Variants in CCT5 observed in about 807,000 individuals in gnomAD.
The protein encoded by CCT5 is chaperonin containing TCP1 subunit 5, also known as T-complex protein 1 subunit epsilon.
Under a neutral mutation model 55.0 loss-of-function variants are expected in CCT5, and 6 were observed. The observed-to-expected ratio is 0.11, with a 90% CI of 0.06 to 0.22. CCT5 has a LOEUF of 0.22. Ranked by LOEUF, CCT5 falls within the 10% of genes least tolerant of loss-of-function variation. The pLI is 1.00. For synonymous variants in CCT5, 231 were observed against 243.7 expected, an observed-to-expected ratio of 0.95 and a Z score of 0.49; for missense variants, 560 against 694.6, an observed-to-expected ratio of 0.81 and a Z score of 2.18.
In CCT5 at chr5:10,265,447, T is replaced by G. The variant is rs1746177647; in HGVS notation, c.*664T>G. On this transcript the variant is annotated 3_prime_UTR_variant, in exon 11 of 11. Transcript: ENST00000280326. The stretch of plus-strand genomic sequence containing the variant: ...TAGGGCAGTTCAGAACCCACTTGTT[T>G]CCCTATCAGAGGGACACAGTGAAGT... 6.6e-6 allele frequency: 1 copy of G among 152,514 alleles called. No individual in the cohort carries two copies. The highest frequency in any genetic ancestry group is 6.5e-5 in the Admixed American group (1 of 15,318). The allele number at this position is 152,514 out of a possible 1,614,324, so 9.4% of individuals were successfully genotyped here. A position where few individuals can be genotyped will look rare whatever the true frequency, so the allele number is the denominator to read the frequency against.
chr5:10,251,334 T>C (rs1352388517), intron 1 of CCT5, among the ~76,000 whole-genome samples: 1 of 152,080 alleles, frequency 6.6e-6, no homozygotes, highest in Non-Finnish European at 1.5e-5. Context: ...AAGCTTGAGA[T>C]AGACCGAAGG....
intron 8 of CCT5, chr5:10,262,069 CT>C: frequency 2.5e-6 from 1 of 400,364 alleles, no homozygotes; most frequent in Non-Finnish European, 4.7e-6. Context: ...GTTGGTTAAA[CT>C]GCTAGCCCTA....
Position 10,262,614 on chromosome 5 carries a change from A to T in CCT5, c.1313A>T (p.Asp438Val). 6.2e-7 allele frequency: 1 copy of T among 1,614,246 alleles called. No individual in the cohort carries two copies. The highest frequency in any genetic ancestry group is 1.1e-5 in the South Asian group (1 of 91,088). ...SCALAVSQEA[D>V]KCPTLEQYAM... ...GCCCTGGCAGTTAGCCAAGAGGCGG[A>T]TAAGGTAAGGGATCTGTGCAGACTT... Residue 438 changes from aspartate to valine, a missense_variant, in exon 9 of 11, where the codon GAT (aspartate) becomes GTT (valine). Around this residue, in one of 4 missense-constraint regions of CCT5, gnomAD observed 256 missense variants for 372.4 expected, o/e 0.69. Transcript: ENST00000280326.
rs370428142 is a variant in CCT5, at chr5:10,260,959, A to C, written c.993+48A>C. The C allele has an allele frequency of 1.3e-5, 21 of 1,603,714 alleles. No individual in the cohort carries two copies. The African/African-American group carries it at 2.0e-4, about 15-fold the overall frequency. On this transcript the variant is annotated intron_variant, in intron 7 of 10. Transcript: ENST00000280326. ...ACTTTGAGAAGTAGGGGTTCATCTT[A>C]TGTGTTGAGGGGTGTTTTGATAGCC...
chr5:10,260,033 T>C (rs573855547), intron 6 of CCT5, among the ~76,000 whole-genome samples: 8 of 152,184 alleles, frequency 5.3e-5, no homozygotes, highest in Non-Finnish European at 8.8e-5. Flanking sequence ...CAGGTTGGTT[T>C]TCCGGGGTTG....
At chr5:10,263,760 A>G in intron 10 of CCT5, among the ~76,000 whole-genome samples, 1 of 152,080 alleles carries the variant, frequency 6.6e-6, no homozygotes, top group East Asian at 1.9e-4. Context: ...CGGCTCCCAA[A>G]AAGATATGGT....
chr5:10,262,612 G>A lies in CCT5; in HGVS notation c.1311G>A (p.Ala437=), dbSNP rs746715722. Residue 437 remains alanine, a synonymous_variant, in exon 9 of 11, where the codon GCG becomes GCA. Coordinates refer to ENST00000280326, the MANE Select transcript of CCT5 (RefSeq NM_012073.5). ...ISCALAVSQE[A]DKCPTLEQYA... ...GTGCCCTGGCAGTTAGCCAAGAGGC[G>A]GATAAGGTAAGGGATCTGTGCAGAC... 2.2e-5 allele frequency: 35 copies of A among 1,614,080 alleles called. No individual in the cohort carries two copies. The highest frequency in any genetic ancestry group is 8.9e-5 in the East Asian group (4 of 44,900).
At chr5:10,255,818 G>A in intron 3 of CCT5, 137 bp from the exon 4 acceptor site, 1 of 759,474 alleles carries the variant, frequency 1.3e-6, no homozygotes, top group East Asian at 2.7e-5. Flanking sequence ...AAAATAGAGG[G>A]CTTCTGCCTC....
intron 3 of CCT5, among the ~76,000 whole-genome samples, chr5:10,255,674 C>T (rs1745635902): frequency 6.6e-6 from 1 of 152,042 alleles, no homozygotes; most frequent in Non-Finnish European, 1.5e-5. Context: ...AGCTTTTTAC[C>T]TCTTAGAAAA....
intron 1 of CCT5, among the ~76,000 whole-genome samples, chr5:10,251,235 T>G (rs748528930): frequency 1.3e-5 from 2 of 152,148 alleles, no homozygotes; most frequent in Admixed American, 1.3e-4. Context: ...ATGCCCAACA[T>G]GGAAAATACG....
intron 2 of CCT5, 57 bp downstream of exon 2, chr5:10,254,262 A>C (rs1745566378): frequency 8.3e-7 from 1 of 1,202,606 alleles, no homozygotes; most frequent in South Asian, 1.2e-5. Context: ...AAAACTGTCA[A>C]TATAAACCTC....
In CCT5 at chr5:10,261,464, T is replaced by A. The variant is rs1052278149; in HGVS notation, c.994-96T>A. The A allele has an allele frequency of 2.2e-5, 25 of 1,144,472 alleles. No individual in the cohort carries two copies. In the South Asian group the frequency reaches 3.1e-4, roughly 14 times the overall value. The allele number at this position is 1,144,472 out of a possible 1,614,324, so 70.9% of individuals were successfully genotyped here. A position where few individuals can be genotyped will look rare whatever the true frequency, so the allele number is the denominator to read the frequency against. ...TGGGGCAGCAGTTCTAGTGAACAAG[T>A]TGGTCTTAGATCAAGTTTTGCTCAT... is the stretch of plus-strand genomic sequence containing the variant. On this transcript the variant is annotated intron_variant, in intron 7 of 10. Transcript: ENST00000280326.
chr5:10,261,029 A>T (rs1745933629), intron 7 of CCT5, 118 bp downstream of exon 7: 11 of 1,048,302 alleles, frequency 1.0e-5, no homozygotes. Flanking sequence ...AGATGAGGGG[A>T]GGGTGAGCTG....
At chr5:10,263,533 A>G (rs980137776) in intron 10 of CCT5, among the ~76,000 whole-genome samples, 2 of 152,244 alleles carry the variant, frequency 1.3e-5, no homozygotes, top group East Asian at 1.9e-4. Context: ...AGTAAAGTGC[A>G]TATGGTACTA....
chr5:10,264,119 A>AG (rs11374802), intron 10 of CCT5, among the ~76,000 whole-genome samples: 105 of 1,648 alleles, frequency 0.064, 1 homozygote, highest in African/African-American at 0.34. Context: ...CAAAAAATAC[A>AG]AAATTAGCCA....
At chr5:10,252,676 C>T (rs1459889959) in intron 1 of CCT5, among the ~76,000 whole-genome samples, 1 of 151,006 alleles carries the variant, frequency 6.6e-6, no homozygotes, top group African/African-American at 2.4e-5. Flanking sequence ...ATTCTAAAAT[C>T]CTGTAACCTA....
At chr5:10,263,511 C>G (rs1387539187) in intron 10 of CCT5, among the ~76,000 whole-genome samples, 197 bp downstream of exon 10, 2 of 152,212 alleles carry the variant, frequency 1.3e-5, no homozygotes, top group Middle Eastern at 3.2e-3. Flanking sequence ...ACATGAGACT[C>G]ATTGTAATAA....
At chr5:10,262,012 A>G (rs970054240) in intron 8 of CCT5, 1 of 443,148 alleles carries the variant, frequency 2.3e-6, no homozygotes. Flanking sequence ...CACAGTTTAA[A>G]TATTCAAGTC....
chr5:10,264,624 T>G, intron 10 of CCT5, 32 bp from the exon 11 acceptor site: 1 of 1,366,554 alleles, frequency 7.3e-7, no homozygotes, highest in South Asian at 1.2e-5. Flanking sequence ...TGTATGCTAT[T>G]TTAGGATAAT....
Sources: gnomAD v4.1 joint callset for allele counts (sites outside exome capture counted in the v4.1 genomes callset) on GRCh38, gnomAD v4.1.1 for gene constraint, gnomAD v4.1.1 regional missense constraint, MANE v1.5 for transcripts, NCBI Gene and HGNC (gene_info 2026-07-23, HGNC 2026-07-21) for gene names.